Variants in ZNF235 observed in about 807,000 individuals in gnomAD.
The protein encoded by ZNF235 is zinc finger protein 235, also known as zfp-93.
Under a neutral mutation model 29.4 loss-of-function variants are expected in ZNF235, and 25 were observed. That is an observed-to-expected ratio of 0.85 (90% CI 0.62 to 1.19). The LOEUF is 1.19. Ranked by LOEUF, ZNF235 falls within the 50% of genes most tolerant of loss-of-function variation. The pLI is 0.00. For synonymous variants in ZNF235, 300 were observed against 295.3 expected (o/e 1.02, Z -0.16); for missense variants, 788 against 885.0 (o/e 0.89, Z 1.39).
chr19:44,289,051 T>G lies in ZNF235; in HGVS notation c.384A>C (p.Gly128=). ...RSQDSMINIE[G]KSSQFPKHHD... Reference sequence around the variant, plus strand: ...GGTGCTTGGGGAACTGAGAGCTCTTTCCTTCAATATTTATCATGGAGTCTT... The same window carrying G: ...GGTGCTTGGGGAACTGAGAGCTCTTGCCTTCAATATTTATCATGGAGTCTT... The change falls in exon 5 of 5, where the codon GGA becomes GGC. Residue 128 remains glycine, a synonymous_variant. Transcript: ENST00000291182. 1 of 1,614,124 alleles carries G rather than the reference T, an allele frequency of 6.2e-7. No homozygotes were observed. The highest frequency in any genetic ancestry group is 8.5e-7 in the Non-Finnish European group (1 of 1,180,000).
chr19:44,297,386 C>G (rs1975667759), intron 4 of ZNF235: 1 of 155,120 alleles, frequency 6.4e-6, no homozygotes, highest in Non-Finnish European at 1.5e-5. Flanking sequence ...GAGGAGGACC[C>G]TCCCCAGTGG....
rs1023861999 is a variant in ZNF235 at position 44,289,289 on chromosome 19, A to C, written c.239-93T>G. The C allele has an allele frequency of 3.3e-6, 4 of 1,200,366 alleles. No homozygotes were observed. The African/African-American group carries it at 6.2e-5, about 18-fold the overall frequency. 74.4% of individuals were successfully genotyped at this position (1,200,366 alleles called of 1,614,324 possible). On this transcript the variant is annotated intron_variant, in intron 4 of 4. Coordinates refer to ENST00000291182, the MANE Select transcript of ZNF235 (RefSeq NM_004234.4). ...ATCTAAGCTCTCATTTTCCCCATGGAAACGTCAAAAAAACAACTAGACTGG... is the reference window on the plus strand; with the variant it reads ...ATCTAAGCTCTCATTTTCCCCATGGCAACGTCAAAAAAACAACTAGACTGG...
intron 4 of ZNF235, among the ~76,000 whole-genome samples, chr19:44,291,823 T>A (rs185999509): frequency 1.3e-5 from 2 of 151,926 alleles, no homozygotes; most frequent in African/African-American, 4.8e-5. Flanking sequence ...ACCAAACATA[T>A]AAGGAAGAAA....
intron 4 of ZNF235, among the ~76,000 whole-genome samples, chr19:44,295,358 A>C (rs1378485523): frequency 6.6e-6 from 1 of 152,194 alleles, no homozygotes; most frequent in Non-Finnish European, 1.5e-5. Flanking sequence ...CAAAAAAATT[A>C]AAATACCTAG....
In ZNF235 at chr19:44,298,913, G is replaced by T. The variant is rs1333797043; in HGVS notation, c.143-10C>A. ...TTGAAGGACTGATGTCCTATAAAAA[G>T]ATAGTATTTAAGTGAAAATGTTAAA... is the stretch of plus-strand genomic sequence containing the variant. On this transcript the variant is annotated splice_polypyrimidine_tract_variant and intron_variant, in intron 3 of 4. Transcript: ENST00000291182. 2 of 1,600,522 alleles carry T rather than the reference G, an allele frequency of 1.2e-6. No homozygotes were observed. Among genetic ancestry groups the T allele is most frequent in the African/African-American group, 1.3e-5 (1 of 74,540 alleles).
intron 4 of ZNF235, among the ~76,000 whole-genome samples, chr19:44,292,938 C>T (rs1259959987): frequency 6.6e-6 from 1 of 151,886 alleles, no homozygotes; most frequent in African/African-American, 2.4e-5. Context: ...TTTCAAGTTG[C>T]TTCAAAAAAC....
rs764447878 is a variant in ZNF235 at position 44,288,192 on chromosome 19, T to A, written c.1243A>T (p.Arg415Ter). The change falls in exon 5 of 5, where the codon AGA becomes TGA. Residue 415 changes from arginine to a stop codon, truncating the protein, a stop_gained. Coordinates refer to ENST00000291182, the MANE Select transcript of ZNF235 (RefSeq NM_004234.4). LOFTEE classifies it high-confidence loss of function. The part of the protein sequence containing the change: ...CEVCGKGFTQ[R>*]SHLQAHERIH... ...CTTTCATGGGCCTGAAGATGTGATC[T>A]CTGAGTGAAGCCCTTCCCACACACC... is the stretch of plus-strand genomic sequence containing the variant. The A allele has an allele frequency of 1.2e-6, 2 of 1,614,162 alleles. No homozygotes were observed. Among genetic ancestry groups the A allele is most frequent in the South Asian group, 1.1e-5 (1 of 91,084 alleles).
intron 2 of ZNF235, among the ~76,000 whole-genome samples, chr19:44,300,890 T>TA (rs954114900): frequency 1.1e-4 from 17 of 151,580 alleles, no homozygotes; most frequent in Admixed American, 6.6e-4. Context: ...AATTACATTG[T>TA]AAAAAAATAT....
At chr19:44,290,885 A>G (rs1975576646) in intron 4 of ZNF235, 1 of 152,596 alleles carries the variant, frequency 6.6e-6, no homozygotes, top group Admixed American at 6.5e-5. Context: ...GTTTTCCAGA[A>G]TGTGCAAAAG....
In ZNF235 at chr19:44,287,859, G is replaced by C. The variant is rs772877971; in HGVS notation, c.1576C>G (p.Gln526Glu). The change falls in exon 5 of 5, where the codon CAG becomes GAG. Residue 526 changes from glutamine to glutamate, a missense_variant. Transcript: ENST00000291182. ...RCNVCGKGFS[Q>E]SSYFQAHQRV... is the part of the protein sequence containing the mutation. The stretch of plus-strand genomic sequence containing the variant: ...TGATGTGCTTGAAAGTATGAACTCT[G>C]ACTGAAGCCTTTCCCACACACGTTG... The C allele has an allele frequency of 2.5e-6, 4 of 1,613,378 alleles. No individual in the cohort carries two copies. The highest frequency in any genetic ancestry group is 1.7e-5 in the Admixed American group (1 of 59,934).
Position 44,287,117 on chromosome 19 carries a change from G to A in ZNF235, c.*101C>T, listed in dbSNP as rs1424045035. The A allele has an allele frequency of 8.1e-7, 1 of 1,230,508 alleles. No homozygotes were observed. The highest frequency in any genetic ancestry group is 1.5e-5 in the African/African-American group (1 of 66,414). The allele number at this position is 1,230,508 out of a possible 1,614,324, so 76.2% of individuals were successfully genotyped here. A position where few individuals can be genotyped will look rare whatever the true frequency, so the allele number is the denominator to read the frequency against. On this transcript the variant is annotated 3_prime_UTR_variant, in exon 5 of 5. Coordinates refer to ENST00000291182, the MANE Select transcript of ZNF235 (RefSeq NM_004234.4). ...TTCTTTCCTGTCAAGATTCTTTGAA[G>A]CTTCTAGTTTTAAAGGAACTTTTCA...
chr19:44,297,252 C>T (rs1975666093), intron 4 of ZNF235: 2 of 194,860 alleles, frequency 1.0e-5, no homozygotes, highest in African/African-American at 4.7e-5. Flanking sequence ...CAGGCCACAC[C>T]CTACAATTAC....
chr19:44,287,179 T>C lies in ZNF235; in HGVS notation c.*39A>G. 6.5e-7 allele frequency: 1 copy of C among 1,527,636 alleles called. No homozygotes were observed. 94.6% of individuals were successfully genotyped at this position (1,527,636 alleles called of 1,614,324 possible). Reference sequence around the variant, plus strand: ...ATGGACTTCCCAACGGAGACAAAGATGTGAGCTCTAACTGAAGGCTGAACC... The same window carrying C: ...ATGGACTTCCCAACGGAGACAAAGACGTGAGCTCTAACTGAAGGCTGAACC... On this transcript the variant is annotated 3_prime_UTR_variant, in exon 5 of 5. Coordinates refer to ENST00000291182, the MANE Select transcript of ZNF235 (RefSeq NM_004234.4).
chr19:44,300,419 C>T (rs1975719552), intron 2 of ZNF235, among the ~76,000 whole-genome samples: 1 of 152,230 alleles, frequency 6.6e-6, no homozygotes, highest in South Asian at 2.1e-4. Flanking sequence ...AGTCCATAAA[C>T]ATGATCTACA....
chr19:44,295,380 A>C (rs1003653229), intron 4 of ZNF235, among the ~76,000 whole-genome samples: 4 of 152,282 alleles, frequency 2.6e-5, no homozygotes, highest in Non-Finnish European at 5.9e-5. Flanking sequence ...AATGTATTTA[A>C]CCAAGGAAGG....
chr19:44,298,705 GT>G, intron 4 of ZNF235, 102 bp downstream of exon 4: 1 of 910,202 alleles, frequency 1.1e-6, no homozygotes, highest in Non-Finnish European at 1.7e-6. Context: ...CATGACAGAT[GT>G]TTTTTAAAAA....
chr19:44,304,927 C>A, intron 1 of ZNF235, 44 bp downstream of exon 1: 2 of 985,490 alleles, frequency 2.0e-6, no homozygotes, highest in Non-Finnish European at 2.4e-6. Context: ...CACGCCTAGG[C>A]AAAGAGGGCT....
At position 44,303,460 on chromosome 19, in the gene ZNF235, A is replaced by G; in HGVS notation, c.-48-8T>C. ...AGTTCCGGGGAAGTGAACCTGAGGG[A>G]GGGAAAGGCATCATGAGATAGGTTA... is the stretch of plus-strand genomic sequence containing the variant. On this transcript the variant is annotated splice_polypyrimidine_tract_variant and splice_region_variant and intron_variant, in intron 1 of 4. Coordinates refer to ENST00000291182, the MANE Select transcript of ZNF235 (RefSeq NM_004234.4). 1 of 1,598,426 alleles carries G rather than the reference A, an allele frequency of 6.3e-7. No homozygotes were observed.
intron 3 of ZNF235, 151 bp downstream of exon 3, chr19:44,299,455 G>T: frequency 1.1e-6 from 1 of 914,014 alleles, no homozygotes; most frequent in Non-Finnish European, 1.7e-6. Flanking sequence ...CAGTCCCAAA[G>T]CCTTGAACAA....
Sources: allele counts gnomAD v4.1 joint callset (sites outside exome capture counted in the v4.1 genomes callset), GRCh38; gene constraint gnomAD v4.1.1; transcripts MANE v1.5; gene names NCBI Gene and HGNC (gene_info 2026-07-23, HGNC 2026-07-21).